Variants in MSRA observed in about 807,000 individuals in gnomAD.
MSRA encodes the protein methionine sulfoxide reductase A.
Under a neutral mutation model 31.3 loss-of-function variants are expected in MSRA, and 54 were observed. That is an observed-to-expected ratio of 1.73 (90% CI 1.39 to 2.17). The LOEUF is 2.17. Ranked by LOEUF, MSRA falls within the 30% of genes most tolerant of loss-of-function variation. The probability of loss-of-function intolerance (pLI) is 0.00; values close to 1 mark genes in which losing one functional copy is unlikely to be tolerated. For synonymous variants in MSRA, 169 were observed against 116.5 expected, an observed-to-expected ratio of 1.45 and a Z score of -2.90; for missense variants, 507 against 300.9, an observed-to-expected ratio of 1.69 and a Z score of -5.07.
intron 1 of MSRA, among the ~76,000 whole-genome samples, chr8:10,166,324 G>A (rs1805122061): frequency 6.6e-6 from 1 of 152,216 alleles, no homozygotes; most frequent in South Asian, 2.1e-4. Flanking sequence ...GCATAATGGT[G>A]TGTATGTGCA....
At chr8:10,218,114 C>CTATTTATT (rs371596796) in intron 2 of MSRA, among the ~76,000 whole-genome samples, 2,921 of 138,770 alleles carry the variant, frequency 0.021, 60 homozygotes, top group Admixed American at 0.044. Flanking sequence ...GGTTCCTTTT[C>CTATTTATT]TATTTATTTA....
At chr8:10,169,000 C>G (rs59400869) in intron 1 of MSRA, among the ~76,000 whole-genome samples, 1 of 152,174 alleles carries the variant, frequency 6.6e-6, no homozygotes, top group Non-Finnish European at 1.5e-5. Context: ...GAGGTAGAAC[C>G]TCATGAGGGG....
intron 5 of MSRA, among the ~76,000 whole-genome samples, chr8:10,423,918 C>T (rs949128948): frequency 1.3e-5 from 2 of 152,200 alleles, no homozygotes; most frequent in East Asian, 1.9e-4. Context: ...CTCATTCATT[C>T]ATTCATTCAT....
At position 10,054,675 on chromosome 8, in the gene MSRA, C is replaced by G. The variant is rs747858593; in HGVS notation, c.142+17C>G. The G allele has an allele frequency of 2.7e-6, 4 of 1,496,134 alleles. No homozygotes were observed. The highest frequency in any genetic ancestry group is 3.6e-6 in the Non-Finnish European group (4 of 1,115,654). 92.7% of individuals were successfully genotyped at this position (1,496,134 alleles called of 1,614,324 possible). A position where few individuals can be genotyped will look rare whatever the true frequency, so the allele number is the denominator to read the frequency against. On this transcript the variant is annotated intron_variant, in intron 1 of 5. Coordinates refer to ENST00000317173, the MANE Select transcript of MSRA (RefSeq NM_012331.5). ...CTGTAGCGGGTAAGCACTGGCCACACGGAAGGCGCGGGCGGCGACGCTGCG... is the reference window on the plus strand; with the variant it reads ...CTGTAGCGGGTAAGCACTGGCCACAGGGAAGGCGCGGGCGGCGACGCTGCG...
chr8:10,272,238 C>G (rs554337423), intron 3 of MSRA, among the ~76,000 whole-genome samples: 27 of 152,240 alleles, frequency 1.8e-4, no homozygotes, highest in African/African-American at 6.3e-4. Context: ...GTTGATCGAT[C>G]TAGAGGTTAA....
chr8:10,394,244 T>C (rs572071939), intron 5 of MSRA, among the ~76,000 whole-genome samples: 1 of 152,314 alleles, frequency 6.6e-6, no homozygotes, highest in South Asian at 2.1e-4. Context: ...ATACTATGCA[T>C]CTGTACTTTT....
intron 5 of MSRA, among the ~76,000 whole-genome samples, chr8:10,408,523 G>A (rs1221601068): frequency 6.6e-6 from 1 of 152,114 alleles, no homozygotes; most frequent in Non-Finnish European, 1.5e-5. Flanking sequence ...CTGGGCAACA[G>A]AGCAACACCG....
At chr8:10,369,448 A>G (rs1805358462) in intron 5 of MSRA, among the ~76,000 whole-genome samples, 1 of 152,236 alleles carries the variant, frequency 6.6e-6, no homozygotes, top group Non-Finnish European at 1.5e-5. Context: ...ATTAGAGCAA[A>G]CAAAATGCCA....
chr8:10,344,456 C>T (rs1306553213), intron 5 of MSRA, among the ~76,000 whole-genome samples: 3 of 151,706 alleles, frequency 2.0e-5, no homozygotes, highest in Non-Finnish European at 4.4e-5. Flanking sequence ...CTCCTGAAGT[C>T]CCAGCTACTG....
In MSRA at chr8:10,091,017, C is replaced by G. The variant is rs375162631; in HGVS notation, c.142+36359C>G. 1.9e-4 allele frequency among the ~76,000 whole-genome samples: 29 copies of G among 152,296 alleles called. 3 individuals carry two copies. In the East Asian group the frequency reaches 3.1e-3, roughly 16 times the overall value. ...TTTATGTGTGCATTTTTGTCAAATC[C>G]TTTTCTGTGTAGAGATGATCGTGTG... On this transcript the variant is annotated intron_variant, in intron 1 of 5. Coordinates refer to ENST00000317173, the MANE Select transcript of MSRA (RefSeq NM_012331.5).
intron 5 of MSRA, among the ~76,000 whole-genome samples, chr8:10,370,768 A>G (rs1054968545): frequency 6.6e-6 from 1 of 152,222 alleles, no homozygotes; most frequent in African/African-American, 2.4e-5. Context: ...AAGATGCCCC[A>G]TGGCATTCAC....
At chr8:10,363,265 C>A (rs1585587524) in intron 5 of MSRA, among the ~76,000 whole-genome samples, 1 of 152,188 alleles carries the variant, frequency 6.6e-6, no homozygotes, top group South Asian at 2.1e-4. Context: ...TCTTTGGCAA[C>A]TGGCCAGGGA....
intron 1 of MSRA, among the ~76,000 whole-genome samples, chr8:10,103,270 A>G (rs1246366285): frequency 6.6e-6 from 1 of 152,214 alleles, no homozygotes; most frequent in Non-Finnish European, 1.5e-5. Flanking sequence ...TGAAGGCTTT[A>G]AAAATGTCAG....
intron 2 of MSRA, among the ~76,000 whole-genome samples, chr8:10,234,132 C>T (rs1811733545): frequency 6.6e-6 from 1 of 151,966 alleles, no homozygotes; most frequent in African/African-American, 2.4e-5. Context: ...AACTCATAGA[C>T]AGTTACTATA....
chr8:10,395,463 C>G (rs1238601769), intron 5 of MSRA, among the ~76,000 whole-genome samples: 1 of 152,118 alleles, frequency 6.6e-6, no homozygotes, highest in Non-Finnish European at 1.5e-5. Context: ...AAACATTTAG[C>G]TGTATTTTTG....
At chr8:10,350,233 G>A (rs905845828) in intron 5 of MSRA, among the ~76,000 whole-genome samples, 15 of 152,206 alleles carry the variant, frequency 9.9e-5, no homozygotes, top group African/African-American at 3.6e-4. Context: ...TTTGCAGATA[G>A]CTCTGGTCCC....
At chr8:10,164,346 G>A (rs943032990) in intron 1 of MSRA, among the ~76,000 whole-genome samples, 1 of 152,092 alleles carries the variant, frequency 6.6e-6, no homozygotes, top group Non-Finnish European at 1.5e-5. Context: ...TATCGCCTGG[G>A]GCTGTCGTGT....
intron 5 of MSRA, among the ~76,000 whole-genome samples, chr8:10,366,706 G>C (rs946085244): frequency 1.3e-5 from 2 of 152,182 alleles, no homozygotes; most frequent in Admixed American, 6.5e-5. Flanking sequence ...GGGGACGTCT[G>C]TCCATCCTGC....
At chr8:10,199,597 G>A (rs1048964537) in intron 1 of MSRA, among the ~76,000 whole-genome samples, 4 of 152,284 alleles carry the variant, frequency 2.6e-5, no homozygotes, top group South Asian at 4.1e-4. Flanking sequence ...AAAAGGGCTT[G>A]TGGTTGGGGC....
Sources: allele counts gnomAD v4.1 joint callset (sites outside exome capture counted in the v4.1 genomes callset), GRCh38; gene constraint gnomAD v4.1.1; transcripts MANE v1.5; gene names NCBI Gene and HGNC (gene_info 2026-07-23, HGNC 2026-07-21).